Variants in VPS36 observed in about 807,000 individuals in gnomAD.
The protein encoded by VPS36 is vacuolar protein sorting 36 homolog.
A neutral mutation model predicts 63.5 loss-of-function variants in VPS36; 31 were observed. That is an observed-to-expected ratio of 0.49 (90% CI 0.37 to 0.66). VPS36 has a LOEUF of 0.66. VPS36 is among the 30% of genes least tolerant of loss of function. VPS36 has a pLI of 0.00. For missense variants in VPS36, 338 were observed against 463.7 expected, an observed-to-expected ratio of 0.73 and a Z score of 2.49; for synonymous variants, 138 against 157.2, an observed-to-expected ratio of 0.88 and a Z score of 0.91.
At chr13:52,426,353 A>G (rs903029092) in intron 8 of VPS36, among the ~76,000 whole-genome samples, 8 of 152,240 alleles carry the variant, frequency 5.3e-5, no homozygotes, top group African/African-American at 1.9e-4. Context: ...CCAACCAAAT[A>G]GTACAACTGA....
intron 3 of VPS36, among the ~76,000 whole-genome samples, chr13:52,437,706 G>A (rs1830991215): frequency 1.3e-5 from 2 of 152,094 alleles, no homozygotes; most frequent in Admixed American, 1.3e-4. Context: ...TGAGGCGGGT[G>A]GATCATGAGG....
intron 5 of VPS36, 66 bp downstream of exon 5, chr13:52,434,727 T>A: frequency 7.1e-7 from 1 of 1,418,110 alleles, no homozygotes. Context: ...TCACAGAGTC[T>A]TTTTCTTAAT....
Position 52,414,792 on chromosome 13 carries a change from T to C in VPS36, c.*1038A>G, listed in dbSNP as rs1051134394. The C allele has an allele frequency of 6.6e-6, 1 of 152,220 alleles. No individual in the cohort carries two copies. The highest frequency in any genetic ancestry group is 1.5e-5 in the Non-Finnish European group (1 of 68,054). 9.4% of individuals were successfully genotyped at this position (152,220 alleles called of 1,614,324 possible). A position where few individuals can be genotyped will look rare whatever the true frequency, so the allele number is the denominator to read the frequency against. ...GATAATGCGAACATACTGGAGGCTG[T>C]AGCAATAACATGTGAAGTCAGGCAG... On this transcript the variant is annotated 3_prime_UTR_variant, in exon 14 of 14. Transcript: ENST00000378060.
intron 1 of VPS36, 123 bp downstream of exon 1, chr13:52,450,376 C>G (rs1359387428): frequency 1.6e-6 from 2 of 1,245,060 alleles, no homozygotes; most frequent in Non-Finnish European, 2.0e-6. Context: ...CCTGCCGGGC[C>G]GCCGAGGGCC....
intron 3 of VPS36, among the ~76,000 whole-genome samples, chr13:52,437,898 C>T (rs1958235152): frequency 6.6e-6 from 1 of 151,790 alleles, no homozygotes; most frequent in South Asian, 2.1e-4. Context: ...CCACTGCACT[C>T]CAGCCTGGGC....
At chr13:52,439,914 C>T (rs1594122476) in intron 2 of VPS36, among the ~76,000 whole-genome samples, 1 of 152,056 alleles carries the variant, frequency 6.6e-6, no homozygotes. Flanking sequence ...CACTCATATG[C>T]CCATATACAA....
chr13:52,415,750 G>T lies in VPS36; in HGVS notation c.*80C>A. 1 of 1,260,132 alleles carries T rather than the reference G, an allele frequency of 7.9e-7. No homozygotes were observed. 78.1% of individuals were successfully genotyped at this position (1,260,132 alleles called of 1,614,324 possible). A position where few individuals can be genotyped will look rare whatever the true frequency, so the allele number is the denominator to read the frequency against. On this transcript the variant is annotated 3_prime_UTR_variant, in exon 14 of 14. Transcript: ENST00000378060. ...TTCCAATAAATTCTCAATTGATCGG[G>T]GTTTATCTCTTAGCTCAATGTCATA...
chr13:52,442,821 G>A, intron 1 of VPS36, among the ~76,000 whole-genome samples: 1 of 152,170 alleles, frequency 6.6e-6, no homozygotes, highest in East Asian at 1.9e-4. Flanking sequence ...ATATGTGTGT[G>A]TCTGCAGACA....
intron 1 of VPS36, 30 bp downstream of exon 1, chr13:52,450,469 G>C (rs1434026934): frequency 6.3e-7 from 1 of 1,576,872 alleles, no homozygotes; most frequent in Non-Finnish European, 8.6e-7. Flanking sequence ...CCTTCCGCCA[G>C]CCCGTTGGGA....
At chr13:52,423,478 C>A in intron 10 of VPS36, 96 bp downstream of exon 10, 1 of 1,053,288 alleles carries the variant, frequency 9.5e-7, no homozygotes, top group Admixed American at 1.8e-5. Flanking sequence ...CTCAAAATAG[C>A]TTTGATATTC....
chr13:52,421,085 C>A (rs557127966), intron 10 of VPS36, among the ~76,000 whole-genome samples: 1 of 152,292 alleles, frequency 6.6e-6, no homozygotes, highest in Admixed American at 6.5e-5. Flanking sequence ...TGTGCCACTG[C>A]ACTCTACAGA....
At chr13:52,426,846 C>T (rs906870299) in intron 8 of VPS36, 143 bp downstream of exon 8, 3 of 567,400 alleles carry the variant, frequency 5.3e-6, no homozygotes, top group Admixed American at 3.9e-5. Context: ...CGGAGCGACA[C>T]TCCGTCTCAT....
At chr13:52,450,179 G>A (rs1200282485) in intron 1 of VPS36, 1 of 1,019,814 alleles carries the variant, frequency 9.8e-7, no homozygotes. Context: ...GACGGCGAGC[G>A]CTCCTTCTCC....
At chr13:52,440,631 A>C (rs1465899386) in intron 2 of VPS36, among the ~76,000 whole-genome samples, 2 of 152,216 alleles carry the variant, frequency 1.3e-5, no homozygotes, top group African/African-American at 4.8e-5. Flanking sequence ...TTTAATTTTT[A>C]TATGTGACTA....
chr13:52,450,609 A>C lies in VPS36; in HGVS notation c.-15T>G. 1 of 1,558,266 alleles carries C rather than the reference A, an allele frequency of 6.4e-7. No homozygotes were observed. Among genetic ancestry groups the C allele is most frequent in the Non-Finnish European group, 8.7e-7 (1 of 1,152,358 alleles). On this transcript the variant is annotated 5_prime_UTR_variant, in exon 1 of 14. Coordinates refer to ENST00000378060, the MANE Select transcript of VPS36 (RefSeq NM_016075.4). The stretch of plus-strand genomic sequence containing the variant: ...AAGCGGTCCATGGCCGCTGCCACCC[A>C]GCCCCGGCCCTCCGAGGCCGCGAGC...
At position 52,449,936 on chromosome 13, in the gene VPS36, T is replaced by C. The variant is rs1428540736; in HGVS notation, c.96+563A>G. ...TTCCAATGAAGCACTGATACCTCTT[T>C]AGGAAATCCTTTCGAAGCAATCCCT... On this transcript the variant is annotated intron_variant, in intron 1 of 13. Transcript: ENST00000378060. 1.2e-5 allele frequency: 12 copies of C among 985,542 alleles called. No individual in the cohort carries two copies. In the African/African-American group the frequency reaches 1.2e-4, roughly 10 times the overall value. 61.0% of individuals were successfully genotyped at this position (985,542 alleles called of 1,614,324 possible).
chr13:52,418,745 G>A (rs1213297689), intron 10 of VPS36, among the ~76,000 whole-genome samples: 1 of 152,078 alleles, frequency 6.6e-6, no homozygotes, highest in Non-Finnish European at 1.5e-5. Context: ...TTCTGAATCT[G>A]GTGCATTTTT....
At chr13:52,416,177 A>G in intron 12 of VPS36, 84 bp from the exon 13 acceptor site, 1 of 1,255,698 alleles carries the variant, frequency 8.0e-7, no homozygotes, top group Non-Finnish European at 1.1e-6. Context: ...TGGTAGGCAG[A>G]ATGTATACCA....
intron 5 of VPS36, 100 bp from the exon 6 acceptor site, chr13:52,433,848 C>T (rs1166207998): frequency 1.1e-5 from 11 of 993,992 alleles, no homozygotes; most frequent in Non-Finnish European, 1.4e-5. Flanking sequence ...GGGAAAGGAC[C>T]TACAAAGAAC....
Sources: allele counts gnomAD v4.1 joint callset (sites outside exome capture counted in the v4.1 genomes callset), GRCh38; gene constraint gnomAD v4.1.1; transcripts MANE v1.5; gene names NCBI Gene and HGNC (gene_info 2026-07-23, HGNC 2026-07-21).